Variants in PPP2R2B observed in about 807,000 individuals in gnomAD.
PPP2R2B encodes the protein protein phosphatase 2 regulatory subunit Bbeta.
Under a neutral mutation model 46.0 loss-of-function variants are expected in PPP2R2B, and 5 were observed. The observed-to-expected ratio is 0.11, with a 90% CI of 0.06 to 0.23. The LOEUF is 0.23. Among genes scored for constraint, PPP2R2B ranks in the 10% least tolerant of loss-of-function variants. The pLI is 1.00. For synonymous variants in PPP2R2B, 215 were observed against 206.7 expected (o/e 1.04, Z -0.34); for missense variants, 367 against 575.0 (o/e 0.64, Z 3.70).
intron 2 of PPP2R2B, among the ~76,000 whole-genome samples, chr5:146,846,737 A>T (rs1760037736): frequency 6.6e-6 from 1 of 152,198 alleles, no homozygotes; most frequent in South Asian, 2.1e-4. Flanking sequence ...CTACTAAAAA[A>T]TTAAAATTAC....
intron 7 of PPP2R2B, among the ~76,000 whole-genome samples, chr5:146,608,325 A>G (rs557881088): frequency 2.0e-5 from 3 of 152,278 alleles, no homozygotes; most frequent in African/African-American, 7.2e-5. Flanking sequence ...AGGATGGTAC[A>G]TGGAATGAAC....
At chr5:146,900,035 G>A (rs1434728227) in intron 1 of PPP2R2B, among the ~76,000 whole-genome samples, 3 of 152,156 alleles carry the variant, frequency 2.0e-5, no homozygotes, top group African/African-American at 7.2e-5. Flanking sequence ...TTCCATGAAA[G>A]AACAACTCAA....
In PPP2R2B at chr5:146,668,828, C is replaced by T. The variant is rs1210252078; in HGVS notation, c.448-18104G>A. ...GTACTGCTTTCTGACCTCTTTGCCC[C>T]CAAATGTTGTGAACTGCATTGCCAT... On this transcript the variant is annotated intron_variant, in intron 5 of 9. Coordinates refer to ENST00000394411, the MANE Select transcript of PPP2R2B (RefSeq NM_181675.4). 1.4e-4 allele frequency among the ~76,000 whole-genome samples: 21 copies of T among 152,116 alleles called. 1 individual carries two copies. Among genetic ancestry groups the T allele is most frequent in the Admixed American group, 1.2e-3 (19 of 15,246 alleles).
At chr5:146,689,195 G>C (rs1456409106) in intron 5 of PPP2R2B, among the ~76,000 whole-genome samples, 1 of 152,102 alleles carries the variant, frequency 6.6e-6, no homozygotes, top group African/African-American at 2.4e-5. Flanking sequence ...CACTACACAG[G>C]CTAAGCTGTT....
intron 1 of PPP2R2B, among the ~76,000 whole-genome samples, chr5:146,916,733 C>T (rs1328985689): frequency 6.6e-6 from 1 of 152,046 alleles, no homozygotes; most frequent in Non-Finnish European, 1.5e-5. Flanking sequence ...GCCAGAATAG[C>T]AACTCTACAG....
At chr5:146,594,315 T>C (rs553278599) in intron 8 of PPP2R2B, among the ~76,000 whole-genome samples, 1 of 152,346 alleles carries the variant, frequency 6.6e-6, no homozygotes, top group East Asian at 1.9e-4. Flanking sequence ...CAGGGGACAC[T>C]TGACGTTGTT....
chr5:147,056,297 T>C (rs947537339), upstream of PPP2R2B, among the ~76,000 whole-genome samples: 10 of 152,108 alleles, frequency 6.6e-5, no homozygotes, highest in Non-Finnish European at 1.5e-4. Flanking sequence ...ATGAAATGGG[T>C]CTCTGTCCTT....
At chr5:146,635,133 G>T (rs1774723206) in intron 7 of PPP2R2B, among the ~76,000 whole-genome samples, 1 of 152,148 alleles carries the variant, frequency 6.6e-6, no homozygotes, top group Non-Finnish European at 1.5e-5. Flanking sequence ...CCTGCCCTAT[G>T]ATGCTGTCCT....
intron 7 of PPP2R2B, among the ~76,000 whole-genome samples, chr5:146,627,531 T>G (rs977905122): frequency 6.6e-6 from 1 of 152,174 alleles, no homozygotes; most frequent in South Asian, 2.1e-4. Context: ...GGCTGGGGAA[T>G]CCAGCCAGAT....
intron 1 of PPP2R2B, among the ~76,000 whole-genome samples, chr5:146,985,865 A>G (rs769508891): frequency 2.6e-5 from 4 of 152,226 alleles, no homozygotes; most frequent in Non-Finnish European, 5.9e-5. Context: ...AAAATACACT[A>G]AAGTTGTGGG....
chr5:146,939,522 C>G (rs962055522), intron 1 of PPP2R2B, among the ~76,000 whole-genome samples: 1 of 152,164 alleles, frequency 6.6e-6, no homozygotes, highest in African/African-American at 2.4e-5. Flanking sequence ...TTTTGTAAGT[C>G]ATTCATAATT....
At chr5:147,015,467 A>G (rs753277202) in intron 1 of PPP2R2B, among the ~76,000 whole-genome samples, 1 of 151,628 alleles carries the variant, frequency 6.6e-6, no homozygotes, top group South Asian at 2.1e-4. Context: ...ATATTTGCCA[A>G]TCTGAAGGTC....
In PPP2R2B at chr5:146,589,244, T is replaced by TC. The variant is rs1770351068; in HGVS notation, c.*702dup. On this transcript the variant is annotated 3_prime_UTR_variant, in exon 10 of 10. Transcript: ENST00000394411. Reference sequence around the variant, plus strand: ...CAAGCTCACTCTGGGAAGCACTGTGTCGAAAGTGCTCTCTTTCTGTCCCCT... The same window carrying TC: ...CAAGCTCACTCTGGGAAGCACTGTGTCCGAAAGTGCTCTCTTTCTGTCCCCT... 6.6e-6 allele frequency: 1 copy of TC among 152,260 alleles called. No homozygotes were observed. Among genetic ancestry groups the TC allele is most frequent in the South Asian group, 2.1e-4 (1 of 4,830 alleles). 9.4% of individuals were successfully genotyped at this position (152,260 alleles called of 1,614,324 possible).
intron 1 of PPP2R2B, among the ~76,000 whole-genome samples, chr5:147,022,424 G>C (rs1483444380): frequency 6.6e-6 from 1 of 151,750 alleles, no homozygotes; most frequent in Non-Finnish European, 1.5e-5. Flanking sequence ...TGTTGGGTGT[G>C]GTAGCATGCA....
intron 1 of PPP2R2B, among the ~76,000 whole-genome samples, chr5:147,003,198 C>G (rs896909683): frequency 5.9e-5 from 9 of 152,266 alleles, no homozygotes; most frequent in African/African-American, 1.9e-4. Context: ...GACCTCTCAG[C>G]TTACCTCCAT....
chr5:146,970,610 AAG>A (rs1752623049), intron 1 of PPP2R2B, among the ~76,000 whole-genome samples: 1 of 152,000 alleles, frequency 6.6e-6, no homozygotes, highest in African/African-American at 2.4e-5. Flanking sequence ...AAACAAAAAA[AAG>A]AAGAAGAAGA....
chr5:146,853,630 G>A (rs1322087865), intron 2 of PPP2R2B, among the ~76,000 whole-genome samples: 1 of 151,934 alleles, frequency 6.6e-6, no homozygotes, highest in Non-Finnish European at 1.5e-5. Context: ...TACACTACAT[G>A]GCACATAATT....
At chr5:146,896,013 TA>T (rs1762634265) in intron 1 of PPP2R2B, among the ~76,000 whole-genome samples, 1 of 152,126 alleles carries the variant, frequency 6.6e-6, no homozygotes, top group Non-Finnish European at 1.5e-5. Context: ...TCGGGCTAAA[TA>T]ATATTGTCTG....
At chr5:146,882,820 A>T (rs1762208960), upstream of PPP2R2B, among the ~76,000 whole-genome samples, 1 of 152,198 alleles carries the variant, frequency 6.6e-6, no homozygotes, top group Non-Finnish European at 1.5e-5. Context: ...AGCAGAGGGA[A>T]CTCTGAAAGA....
Sources: gnomAD v4.1 joint callset for allele counts (sites outside exome capture counted in the v4.1 genomes callset) on GRCh38, gnomAD v4.1.1 for gene constraint, MANE v1.5 for transcripts, NCBI Gene and HGNC (gene_info 2026-07-23, HGNC 2026-07-21) for gene names.